Variants in DCTPP1 observed in about 807,000 individuals in gnomAD.
The protein encoded by DCTPP1 is XTP3-transactivated gene A protein.
DCTPP1 carries 8 observed loss-of-function variants against 8.8 expected under a neutral mutation model. The ratio of observed to expected loss-of-function variants is 0.91; its 90% CI spans 0.54 to 1.64. The LOEUF is 1.64. DCTPP1 is among the 40% of genes most tolerant of loss of function. The probability of loss-of-function intolerance (pLI) is 0.00; values close to 1 mark genes in which losing one functional copy is unlikely to be tolerated. For synonymous variants in DCTPP1, 85 were observed against 92.1 expected (o/e 0.92, Z 0.44); for missense variants, 231 against 230.4 (o/e 1.00, Z -0.02).
intron 2 of DCTPP1, 121 bp from the exon 3 acceptor site, chr16:30,424,654 G>T: frequency 7.7e-7 from 1 of 1,300,892 alleles, no homozygotes; most frequent in Non-Finnish European, 1.0e-6. Flanking sequence ...GCCCTGGGAA[G>T]AGTCAGGTGG....
chr16:30,429,239 C>T (rs931382152), intron 1 of DCTPP1, 72 bp from the exon 2 acceptor site: 7 of 1,508,854 alleles, frequency 4.6e-6, no homozygotes, highest in African/African-American at 4.1e-5. Flanking sequence ...GAGGCAGCTA[C>T]CCCCGTAGTA....
At chr16:30,428,931 A>T in intron 2 of DCTPP1, 126 bp downstream of exon 2, 1 of 1,038,676 alleles carries the variant, frequency 9.6e-7, no homozygotes, top group Non-Finnish European at 1.4e-6. Flanking sequence ...TCTGCATCCC[A>T]ACAACAGCAA....
At chr16:30,429,743 C>T (rs2151129808) in intron 1 of DCTPP1, 137 bp downstream of exon 1, 1 of 809,170 alleles carries the variant, frequency 1.2e-6, no homozygotes, top group East Asian at 3.2e-5. Context: ...GGTAAGAAGG[C>T]TCACCCAGGG....
intron 2 of DCTPP1, among the ~76,000 whole-genome samples, chr16:30,428,514 A>G (rs907289015): frequency 2.6e-5 from 4 of 152,212 alleles, no homozygotes; most frequent in Admixed American, 6.5e-5. Flanking sequence ...TCACCCCTGT[A>G]ATCCCAGCAC....
chr16:30,424,594 A>G, intron 2 of DCTPP1, 61 bp from the exon 3 acceptor site: 1 of 1,566,278 alleles, frequency 6.4e-7, no homozygotes, highest in Admixed American at 1.7e-5. Context: ...GGGCTCTGCC[A>G]GTCCTTGCAG....
chr16:30,429,539 CA>C, intron 1 of DCTPP1: 1 of 401,836 alleles, frequency 2.5e-6, no homozygotes, highest in Non-Finnish European at 4.4e-6. Context: ...CCTCCTCCAG[CA>C]AAAAATAACG....
chr16:30,428,662 C>CG (rs2050207452), intron 2 of DCTPP1, among the ~76,000 whole-genome samples: 2 of 151,676 alleles, frequency 1.3e-5, no homozygotes, highest in South Asian at 2.1e-4. Flanking sequence ...CCCAGCTACT[C>CG]GGGGGGCTGA....
Position 30,424,025 on chromosome 16 carries a change from A to T in DCTPP1, c.*208T>A. The T allele has an allele frequency of 6.5e-6, 4 of 617,730 alleles. No homozygotes were observed. In the South Asian group the frequency reaches 8.9e-5, roughly 14 times the overall value. 38.3% of individuals were successfully genotyped at this position (617,730 alleles called of 1,614,324 possible). ...AGAGAGCCTCCCTGGCCATCCAGGAATAATCTAGAAGTTATCGCCCAAAAC... is the reference window on the plus strand; with the variant it reads ...AGAGAGCCTCCCTGGCCATCCAGGATTAATCTAGAAGTTATCGCCCAAAAC... On this transcript the variant is annotated 3_prime_UTR_variant, in exon 3 of 3. Transcript: ENST00000319285.
chr16:30,427,536 C>A (rs1247098584), intron 2 of DCTPP1, among the ~76,000 whole-genome samples: 1 of 152,192 alleles, frequency 6.6e-6, no homozygotes, highest in East Asian at 1.9e-4. Flanking sequence ...TGGGTCATCA[C>A]CTTGTGTTCT....
intron 2 of DCTPP1, among the ~76,000 whole-genome samples, chr16:30,427,457 C>T (rs1164438583): frequency 2.0e-5 from 3 of 151,826 alleles, no homozygotes; most frequent in South Asian, 2.1e-4. Flanking sequence ...GGATTACAGG[C>T]GCCCGCCACC....
In DCTPP1 at chr16:30,430,025, A is replaced by G. The variant is rs563861068; in HGVS notation, c.-45T>C. On this transcript the variant is annotated 5_prime_UTR_variant, in exon 1 of 3. Transcript: ENST00000319285. ...CGACTTCACGGAAAACCCACGAGCCACGCTCGAAGCCCCGCCTCCAGAGCT... is the reference window on the plus strand; with the variant it reads ...CGACTTCACGGAAAACCCACGAGCCGCGCTCGAAGCCCCGCCTCCAGAGCT... The G allele has an allele frequency of 7.4e-5, 104 of 1,412,280 alleles. No individual in the cohort carries two copies. In the Middle Eastern group the frequency reaches 1.3e-3, roughly 17 times the overall value. The allele number at this position is 1,412,280 out of a possible 1,614,324, so 87.5% of individuals were successfully genotyped here. A position where few individuals can be genotyped will look rare whatever the true frequency, so the allele number is the denominator to read the frequency against.
At chr16:30,429,258 G>T in intron 1 of DCTPP1, 91 bp from the exon 2 acceptor site, 1 of 1,287,074 alleles carries the variant, frequency 7.8e-7, no homozygotes, top group South Asian at 1.3e-5. Context: ...TATGTAATGG[G>T]GCCTGGGACC....
rs1281281530 is a variant in DCTPP1 at position 30,424,410 on chromosome 16, C to T, written c.336G>A (p.Val112=). 5 of 1,613,748 alleles carry T rather than the reference C, an allele frequency of 3.1e-6. No individual in the cohort carries two copies. In the Admixed American group the frequency reaches 8.3e-5, roughly 27 times the overall value. The part of the protein sequence containing the change: ...YLVALAARCR[V]DLPLAVLSKM... ...TGGAGAGCACTGCTAGCGGCAGATC[C>T]ACACGGCAGCGGGCTGCTAATGCCA... The change falls in exon 3 of 3, where the codon GTG becomes GTA. Residue 112 remains valine (V), a synonymous_variant. Coordinates refer to ENST00000319285, the MANE Select transcript of DCTPP1 (RefSeq NM_024096.2).
chr16:30,429,559 C>T (rs982846186), intron 1 of DCTPP1: 4 of 432,592 alleles, frequency 9.2e-6, no homozygotes, highest in African/African-American at 2.1e-5. Flanking sequence ...CGTCTCCCAC[C>T]TCTCAGCACT....
At chr16:30,425,173 C>A (rs2151128455) in intron 2 of DCTPP1, among the ~76,000 whole-genome samples, 1 of 152,308 alleles carries the variant, frequency 6.6e-6, no homozygotes, top group South Asian at 2.1e-4. Context: ...AGCCACCGCA[C>A]CCGGCCCACA....
intron 2 of DCTPP1, among the ~76,000 whole-genome samples, chr16:30,428,679 A>G (rs2050207562): frequency 1.3e-5 from 2 of 152,142 alleles, no homozygotes; most frequent in Admixed American, 1.3e-4. Flanking sequence ...CTGAGACAGA[A>G]CTGCTTAAAC....
chr16:30,427,446 G>T (rs890706930), intron 2 of DCTPP1, among the ~76,000 whole-genome samples: 27 of 151,800 alleles, frequency 1.8e-4, no homozygotes, highest in Non-Finnish European at 2.9e-4. Flanking sequence ...CTGAGTAGCT[G>T]GGATTACAGG....
rs1339952579 is a variant in DCTPP1 at position 30,429,865 on chromosome 16, G to C, written c.101+15C>G. ...GGGCGACTTCCCCACCCCGAGCTGG[G>C]CCAGGCCTGCTTACATGTCCTCGAG... On this transcript the variant is annotated intron_variant, in intron 1 of 2. Coordinates refer to ENST00000319285, the MANE Select transcript of DCTPP1 (RefSeq NM_024096.2). 6.3e-7 allele frequency: 1 copy of C among 1,594,688 alleles called. No homozygotes were observed.
intron 2 of DCTPP1, among the ~76,000 whole-genome samples, chr16:30,424,984 G>A (rs1447425284): frequency 1.3e-5 from 2 of 152,248 alleles, no homozygotes; most frequent in Admixed American, 6.5e-5. Flanking sequence ...GGGTTCAAGC[G>A]ATTCTCCTGC....
Sources: gnomAD v4.1 joint callset for allele counts (sites outside exome capture counted in the v4.1 genomes callset) on GRCh38, gnomAD v4.1.1 for gene constraint, MANE v1.5 for transcripts, NCBI Gene and HGNC (gene_info 2026-07-23, HGNC 2026-07-21) for gene names.